TAF1: variants seen among roughly 807,000 people sequenced by gnomAD.
The protein encoded by TAF1 is transcription initiation factor TFIID subunit 1.
TAF1 carries 2 observed loss-of-function variants against 138.5 expected under a neutral mutation model. The observed-to-expected ratio is 0.01, with a 90% CI of 0.01 to 0.05. The LOEUF is 0.05. Ranked by LOEUF, TAF1 falls within the 10% of genes least tolerant of loss-of-function variation. The probability of loss-of-function intolerance (pLI) is 1.00; values close to 1 mark genes in which losing one functional copy is unlikely to be tolerated. For synonymous variants in TAF1, 437 were observed against 503.2 expected (o/e 0.87, Z 1.76); for missense variants, 709 against 1,478.0 (o/e 0.48, Z 8.53).
chrX:71,388,815 C>A lies in TAF1; in HGVS notation c.2647C>A (p.Pro883Thr). ...TEEEIRAMVS[P>T]EQCCAYYSMI... ...AGAAGAGATCAGAGCTATGGTGTCA[C>A]CAGAGCAGTGCTGTGCTTATTATAG... Residue 883 changes from proline (P) to threonine (T), a missense_variant, in exon 17 of 38, where the codon CCA becomes ACA. This residue lies in a region of TAF1 where 23 missense variants were observed against 24.4 expected (regional missense o/e 0.94). Coordinates refer to ENST00000423759, the MANE Select transcript of TAF1 (RefSeq NM_004606.5). The A allele has an allele frequency of 8.3e-7, 1 of 1,211,543 alleles. No homozygotes were observed. The highest frequency in any genetic ancestry group is 1.1e-6 in the Non-Finnish European group (1 of 895,462).
intron 32 of TAF1, among the ~76,000 whole-genome samples, chrX:71,453,505 C>T (rs751868826): frequency 5.3e-4 from 57 of 107,952 alleles, no homozygotes; most frequent in African/African-American, 1.6e-3. Context: ...GCCTGGGTGA[C>T]GGAGCGAAAC....
chrX:71,398,359 A>G (rs1418298876), intron 23 of TAF1, among the ~76,000 whole-genome samples: 1 of 110,366 alleles, frequency 9.1e-6, no homozygotes, highest in Non-Finnish European at 1.9e-5. Flanking sequence ...AAAAAAAAAA[A>G]CCTTAGAGAT....
chrX:71,456,838 G>C (rs1280649316), intron 34 of TAF1, among the ~76,000 whole-genome samples: 1 of 108,510 alleles, frequency 9.2e-6, no homozygotes, highest in Non-Finnish European at 1.9e-5. Flanking sequence ...ATTACGCCTG[G>C]CTAATTTTGT....
In TAF1 at chrX:71,384,226, A is replaced by G. The variant is rs146071515; in HGVS notation, c.2121+91A>G. On this transcript the variant is annotated intron_variant, in intron 13 of 37. Coordinates refer to ENST00000423759, the MANE Select transcript of TAF1 (RefSeq NM_004606.5). ...TGTACAAACTTTTTGTTATTAACAT[A>G]GCTGTAGTGAGACAAACTGCAAACT... The G allele has an allele frequency of 1.3e-4, 128 of 1,008,104 alleles. No homozygotes were observed. The African/African-American group carries it at 2.1e-3, about 16-fold the overall frequency. 83.1% of individuals were successfully genotyped at this position (1,008,104 alleles called of 1,213,427 possible).
At chrX:71,506,565 C>T (rs1315097268) in intron 13 of TAF1, among the ~76,000 whole-genome samples, 3 of 105,587 alleles carry the variant, frequency 2.8e-5, no homozygotes, top group African/African-American at 1.0e-4. Flanking sequence ...CATGGTGGCA[C>T]GCGCCTGTAG....
rs1017961473 is a variant in TAF1, at chrX:71,397,055, G to A, written c.3407-198G>A. Among the ~76,000 whole-genome samples the A allele has an allele frequency of 7.5e-5, 8 of 107,225 alleles. No homozygotes were observed. The South Asian group carries it at 1.2e-3, about 16-fold the overall frequency. 93.1% of individuals were successfully genotyped at this position (107,225 alleles called of 115,157 possible). On this transcript the variant is annotated intron_variant, in intron 22 of 37. Coordinates refer to ENST00000423759, the MANE Select transcript of TAF1 (RefSeq NM_004606.5). ...AAAAAAAAAAAAAAAAAAAAAAAGT[G>A]GGGAAATTGGCAGTGCCTAAAATGA... is the stretch of plus-strand genomic sequence containing the variant.
rs2148409084 is a variant in TAF1, at chrX:71,397,337, G to A, written c.3491G>A (p.Arg1164His). 1 of 1,211,488 alleles carries A rather than the reference G, an allele frequency of 8.3e-7. No homozygotes were observed. Residue 1164 changes from arginine (R) to histidine (H), a missense_variant, in exon 23 of 38, where the codon CGC becomes CAC. Coordinates refer to ENST00000423759, the MANE Select transcript of TAF1 (RefSeq NM_004606.5). ...VTSLNSSATG[R>H]CLKIYRTFRD... ...AGCCTTAACTCTTCTGCCACTGGACGCTGTCTCAAGATTTATCGCACGTTT... is the reference window on the plus strand; with the variant it reads ...AGCCTTAACTCTTCTGCCACTGGACACTGTCTCAAGATTTATCGCACGTTT...
intron 13 of TAF1, among the ~76,000 whole-genome samples, chrX:71,475,037 T>C (rs1334711265): frequency 9.0e-6 from 1 of 111,117 alleles, no homozygotes; most frequent in African/African-American, 3.3e-5. Flanking sequence ...TGGGACATGA[T>C]TGTGGAAGAA....
intron 32 of TAF1, among the ~76,000 whole-genome samples, chrX:71,433,577 G>A (rs972195343): frequency 7.2e-5 from 8 of 111,036 alleles, no homozygotes; most frequent in African/African-American, 2.6e-4. Context: ...CTAGATAACT[G>A]AATTTTTCAA....
At chrX:71,441,632 C>T (rs985234021) in intron 32 of TAF1, 19 of 295,901 alleles carry the variant, frequency 6.4e-5, no homozygotes, top group East Asian at 2.3e-4. Context: ...AGTCATTCTA[C>T]GGCGCTATAG....
At position 71,388,310 on chromosome X, in the gene TAF1, C is replaced by G. The variant is rs979623761; in HGVS notation, c.2501C>G (p.Ala834Gly). ...ATACGAATGGAAGATATAAAAAAAG[C>G]CTTTCCTTCCCATTCAGAAAGCAGC... ...RRIRMEDIKK[A>G]FPSHSESSIR... Residue 834 changes from alanine (A) to glycine (G), a missense_variant, in exon 16 of 38, where the codon GCC (alanine) becomes GGC (glycine). Coordinates refer to ENST00000423759, the MANE Select transcript of TAF1 (RefSeq NM_004606.5). 2 of 1,211,546 alleles carry G rather than the reference C, an allele frequency of 1.7e-6. No individual in the cohort carries two copies. The highest frequency in any genetic ancestry group is 1.1e-6 in the Non-Finnish European group (1 of 895,535).
intron 13 of TAF1, among the ~76,000 whole-genome samples, chrX:71,483,776 CTCTCTATA>C (rs1177652170): frequency 1.0e-3 from 65 of 63,586 alleles, no homozygotes; most frequent in African/African-American, 4.0e-3. Context: ...CTCTCTCTCT[CTCTCTATA>C]TATATATATA....
At chrX:71,487,250 G>A (rs1201373324) in intron 13 of TAF1, among the ~76,000 whole-genome samples, 2 of 103,162 alleles carry the variant, frequency 1.9e-5, no homozygotes, top group African/African-American at 3.6e-5. Flanking sequence ...CTATTATTAT[G>A]CCTTCAAGTT....
intron 4 of TAF1, 34 bp from the exon 5 acceptor site, chrX:71,376,916 T>TAA (rs1292992280): frequency 8.3e-7 from 1 of 1,204,215 alleles, no homozygotes. Flanking sequence ...TGTTCACAGT[T>TAA]ACATGCCAAA....
At chrX:71,407,248 C>T (rs773426292) in intron 26 of TAF1, among the ~76,000 whole-genome samples, 1 of 91,295 alleles carries the variant, frequency 1.1e-5, no homozygotes, top group South Asian at 5.7e-4. Context: ...GACAGAGTCT[C>T]GCTCTGTTAC....
chrX:71,470,475 T>G (rs2038862931), downstream of TAF1, among the ~76,000 whole-genome samples: 1 of 108,892 alleles, frequency 9.2e-6, no homozygotes, highest in Non-Finnish European at 1.9e-5. Flanking sequence ...TCTCCTGACC[T>G]CATGATCTGC....
intron 13 of TAF1, among the ~76,000 whole-genome samples, chrX:71,496,731 C>T (rs922033740): frequency 4.5e-5 from 5 of 110,811 alleles, no homozygotes; most frequent in East Asian, 5.7e-4. Flanking sequence ...CTTTCTTTCT[C>T]GCTCTCTTTC....
In TAF1 at chrX:71,465,785, T is replaced by TTA. The variant is rs776513189; in HGVS notation, c.*1743_*1744dup. 8.9e-6 allele frequency: 1 copy of TTA among 111,856 alleles called. No homozygotes were observed. The highest frequency in any genetic ancestry group is 2.8e-4 in the East Asian group (1 of 3,605). 9.2% of individuals were successfully genotyped at this position (111,856 alleles called of 1,213,427 possible). A position where few individuals can be genotyped will look rare whatever the true frequency, so the allele number is the denominator to read the frequency against. ...ATTTTTGTAAAAGAACCATGTGTGTTTATATGTGTTTATATATATACTTGT... is the reference window on the plus strand; with the variant it reads ...ATTTTTGTAAAAGAACCATGTGTGTTTATATATGTGTTTATATATATACTTGT... On this transcript the variant is annotated 3_prime_UTR_variant, in exon 38 of 38. Coordinates refer to ENST00000423759, the MANE Select transcript of TAF1 (RefSeq NM_004606.5).
chrX:71,376,574 G>A (rs1168750008), intron 4 of TAF1, among the ~76,000 whole-genome samples: 1 of 109,575 alleles, frequency 9.1e-6, no homozygotes, highest in Non-Finnish European at 1.9e-5. Flanking sequence ...GGTTGAGGCA[G>A]GAGAATCACT....
Sources: gnomAD v4.1 joint callset for allele counts (sites outside exome capture counted in the v4.1 genomes callset) on GRCh38, gnomAD v4.1.1 for gene constraint, gnomAD v4.1.1 regional missense constraint, MANE v1.5 for transcripts, NCBI Gene and HGNC (gene_info 2026-07-23, HGNC 2026-07-21) for gene names.